Variants in ADAM10 observed in about 807,000 individuals in gnomAD.
ADAM10 encodes the protein ADAM metallopeptidase domain 10.
A neutral mutation model predicts 90.1 loss-of-function variants in ADAM10; 17 were observed. The observed-to-expected ratio is 0.19, with a 90% CI of 0.13 to 0.28. The LOEUF (loss-of-function observed/expected upper bound fraction) is 0.28, where lower values mean the gene tolerates loss of function less well. Among genes scored for constraint, ADAM10 ranks in the 10% least tolerant of loss-of-function variants. ADAM10 has a pLI of 1.00. For missense variants in ADAM10, 610 were observed against 914.3 expected (o/e 0.67, Z 4.29); for synonymous variants, 310 against 298.6 (o/e 1.04, Z -0.40).
chr15:58,616,250 G>A (rs948576385), intron 11 of ADAM10, among the ~76,000 whole-genome samples: 2 of 152,138 alleles, frequency 1.3e-5, no homozygotes, highest in African/African-American at 4.8e-5. Context: ...AGAAACACTG[G>A]ATTAGAACTA....
chr15:58,602,013 T>G (rs539025306), intron 14 of ADAM10, among the ~76,000 whole-genome samples: 1 of 152,340 alleles, frequency 6.6e-6, no homozygotes, highest in South Asian at 2.1e-4. Flanking sequence ...TGCCAAATTT[T>G]ACCATGATTC....
At chr15:58,712,784 C>G (rs1898519261) in intron 2 of ADAM10, among the ~76,000 whole-genome samples, 1 of 152,094 alleles carries the variant, frequency 6.6e-6, no homozygotes, top group African/African-American at 2.4e-5. Flanking sequence ...CAAGTTCCCC[C>G]CACTGCACTC....
intron 8 of ADAM10, among the ~76,000 whole-genome samples, chr15:58,636,773 C>T (rs978209910): frequency 2.0e-5 from 3 of 152,018 alleles, no homozygotes; most frequent in African/African-American, 7.3e-5. Context: ...AATATGATAC[C>T]TTGACATATT....
intron 6 of ADAM10, among the ~76,000 whole-genome samples, chr15:58,644,262 C>A (rs1380180887): frequency 6.8e-6 from 1 of 146,046 alleles, no homozygotes; most frequent in East Asian, 2.0e-4. Context: ...AAGAGTCTTG[C>A]TCTGTTGCCC....
At chr15:58,686,694 AAC>A in intron 2 of ADAM10, 4 of 670,928 alleles carry the variant, frequency 6.0e-6, no homozygotes, top group Non-Finnish European at 1.1e-5. Context: ...GTCTCAAGAA[AAC>A]ACTTTTCCCT....
intron 11 of ADAM10, among the ~76,000 whole-genome samples, chr15:58,619,883 G>A (rs558168580): frequency 4.6e-5 from 7 of 151,588 alleles, no homozygotes; most frequent in South Asian, 2.1e-4. Flanking sequence ...CAGCCTGGGC[G>A]ACAGTGCAAG....
chr15:58,740,594 A>G (rs563067604), intron 1 of ADAM10, among the ~76,000 whole-genome samples: 1 of 152,268 alleles, frequency 6.6e-6, no homozygotes, highest in Admixed American at 6.5e-5. Context: ...GCATAGAAAC[A>G]GGGTCTTGCT....
intron 5 of ADAM10, among the ~76,000 whole-genome samples, chr15:58,663,350 T>C (rs1242092350): frequency 6.6e-6 from 1 of 152,234 alleles, no homozygotes; most frequent in Non-Finnish European, 1.5e-5. Flanking sequence ...TGAGATTGCA[T>C]CTCTACCACA....
Position 58,664,740 on chromosome 15 carries a change from G to A in ADAM10, c.585+357C>T, listed in dbSNP as rs184676573. Among the ~76,000 whole-genome samples, 191 of 152,124 alleles carry A rather than the reference G, an allele frequency of 1.3e-3. 2 individuals are homozygous for A. The highest frequency in any genetic ancestry group is 2.2e-3 in the Non-Finnish European group (151 of 67,942). ...ACCAGATTGTCTGCTGACACACAAC[G>A]TTCAGTGTTAAAAATGAGGAATACC... On this transcript the variant is annotated intron_variant, in intron 5 of 15. Coordinates refer to ENST00000260408, the MANE Select transcript of ADAM10 (RefSeq NM_001110.4).
At chr15:58,631,075 A>G (rs1368474339) in intron 9 of ADAM10, among the ~76,000 whole-genome samples, 5 of 151,698 alleles carry the variant, frequency 3.3e-5, no homozygotes, top group African/African-American at 1.2e-4. Context: ...CACCACCTCC[A>G]CTCCCACCAT....
At chr15:58,636,153 T>C (rs2140680059) in intron 8 of ADAM10, among the ~76,000 whole-genome samples, 1 of 152,098 alleles carries the variant, frequency 6.6e-6, no homozygotes, top group South Asian at 2.1e-4. Flanking sequence ...GGTGCATGCA[T>C]GTAATCCCAG....
At chr15:58,669,494 G>A (rs1406667681) in intron 4 of ADAM10, among the ~76,000 whole-genome samples, 1 of 152,178 alleles carries the variant, frequency 6.6e-6, no homozygotes, top group Non-Finnish European at 1.5e-5. Context: ...TTGGAGGAGA[G>A]AGAATGTACA....
intron 4 of ADAM10, among the ~76,000 whole-genome samples, chr15:58,673,469 T>A (rs1420096822): frequency 1.3e-5 from 2 of 151,448 alleles, no homozygotes; most frequent in African/African-American, 4.8e-5. Context: ...AAAAATCTTA[T>A]ATTTCTGAAA....
intron 14 of ADAM10, among the ~76,000 whole-genome samples, chr15:58,604,203 A>T (rs1485614874): frequency 2.0e-5 from 3 of 152,102 alleles, no homozygotes; most frequent in African/African-American, 7.2e-5. Context: ...CTGTGCTAAA[A>T]TACAAAAATT....
intron 4 of ADAM10, among the ~76,000 whole-genome samples, chr15:58,668,818 G>C (rs1249140433): frequency 6.6e-6 from 1 of 152,084 alleles, no homozygotes; most frequent in Admixed American, 6.6e-5. Context: ...TTTTCAGCCA[G>C]TATGTGGTTT....
intron 4 of ADAM10, among the ~76,000 whole-genome samples, chr15:58,675,180 G>A (rs1353091853): frequency 5.9e-5 from 9 of 152,060 alleles, no homozygotes; most frequent in East Asian, 3.8e-4. Flanking sequence ...CCTGGGCGAC[G>A]GAGGTATAGG....
intron 1 of ADAM10, among the ~76,000 whole-genome samples, chr15:58,727,663 T>C (rs1458602502): frequency 6.6e-6 from 1 of 152,078 alleles, no homozygotes; most frequent in Non-Finnish European, 1.5e-5. Flanking sequence ...AATGTAAATA[T>C]ATGCTAACAG....
intron 1 of ADAM10, among the ~76,000 whole-genome samples, chr15:58,726,000 T>G (rs1899015672): frequency 6.6e-6 from 1 of 152,112 alleles, no homozygotes; most frequent in Admixed American, 6.5e-5. Context: ...ACAGAAATAA[T>G]GAATATATAA....
intron 4 of ADAM10, among the ~76,000 whole-genome samples, chr15:58,669,998 G>C (rs1596049826): frequency 6.6e-6 from 1 of 152,062 alleles, no homozygotes; most frequent in East Asian, 1.9e-4. Flanking sequence ...TTTTGGGGGT[G>C]ATGGGCATGT....
Sources: allele counts gnomAD v4.1 joint callset (sites outside exome capture counted in the v4.1 genomes callset), GRCh38; gene constraint gnomAD v4.1.1; transcripts MANE v1.5; gene names NCBI Gene and HGNC (gene_info 2026-07-23, HGNC 2026-07-21).